STK32B: variants seen among roughly 807,000 people sequenced by gnomAD.
STK32B encodes the protein serine/threonine-protein kinase 32B.
A neutral mutation model predicts 52.6 loss-of-function variants in STK32B; 43 were observed. The ratio of observed to expected loss-of-function variants is 0.82; its 90% CI spans 0.64 to 1.05. The LOEUF (loss-of-function observed/expected upper bound fraction) is 1.05. Ranked by LOEUF, STK32B falls within the 50% of genes least tolerant of loss-of-function variation. STK32B has a pLI of 0.00. For missense variants in STK32B, 621 were observed against 534.6 expected (o/e 1.16, Z -1.59); for synonymous variants, 238 against 204.3 (o/e 1.17, Z -1.41).
Position 5,395,518 on chromosome 4 carries a change from G to C in STK32B, c.435-2689G>C, listed in dbSNP as rs1390088488. On this transcript the variant is annotated intron_variant, in intron 4 of 11. Transcript: ENST00000282908. The surrounding 1 kb of genome is among the most constrained non-coding windows in gnomAD (Gnocchi z 4.4). ...CTATTAGTCTTTTTTCTAGACTCTG[G>C]TTTGCCTTCTTCACCTGCCACAACT... is the stretch of plus-strand genomic sequence containing the variant. Among the ~76,000 whole-genome samples, 1 of 152,042 alleles carries C rather than the reference G, an allele frequency of 6.6e-6. No homozygotes were observed. Among genetic ancestry groups the C allele is most frequent in the Non-Finnish European group, 1.5e-5 (1 of 68,008 alleles).
In STK32B at chr4:5,126,989, C is replaced by G. The variant is rs368454946; in HGVS notation, c.53-12916C>G. ...AGTTGGGATACTGTCTATTCCCTCT[C>G]CTTTTGCACAGATGACAGCATTACT... On this transcript the variant is annotated intron_variant, in intron 1 of 11. Coordinates refer to ENST00000282908, the MANE Select transcript of STK32B (RefSeq NM_018401.3). 3.3e-3 allele frequency: 1,456 copies of G among 437,180 alleles called. 29 individuals carry two copies. Among genetic ancestry groups the G allele is most frequent in the South Asian group, 0.023 (1,412 of 60,828 alleles). 27.1% of individuals were successfully genotyped at this position (437,180 alleles called of 1,614,324 possible).
chr4:5,162,121 A>G (rs1560188358), intron 2 of STK32B, among the ~76,000 whole-genome samples: 2 of 152,160 alleles, frequency 1.3e-5, no homozygotes, highest in Admixed American at 6.5e-5. Flanking sequence ...TTTGCACCCC[A>G]TAGTCCTGAG....
chr4:5,172,030 T>C (rs1321252454), intron 3 of STK32B, among the ~76,000 whole-genome samples: 2 of 152,068 alleles, frequency 1.3e-5, no homozygotes, highest in African/African-American at 4.8e-5. Context: ...TCACATCCCT[T>C]GTAAGCTGGA....
chr4:5,167,202 A>C (rs1251299061), intron 2 of STK32B, among the ~76,000 whole-genome samples: 1 of 151,904 alleles, frequency 6.6e-6, no homozygotes, highest in African/African-American at 2.4e-5. Context: ...CTTGCCCCCA[A>C]CTGCCCCCAG....
chr4:5,371,072 T>G (rs1460211811), intron 4 of STK32B, among the ~76,000 whole-genome samples: 4 of 151,228 alleles, frequency 2.6e-5, no homozygotes, highest in Admixed American at 2.6e-4. Context: ...ATTCTAACAC[T>G]TGTTAAAATG....
rs536442137 is a variant in STK32B, at chr4:5,120,451, A to G, written c.53-19454A>G. Among the ~76,000 whole-genome samples, 15 of 152,326 alleles carry G rather than the reference A, an allele frequency of 9.8e-5. No individual in the cohort carries two copies. In the South Asian group the frequency reaches 2.7e-3, roughly 27 times the overall value. Reference sequence around the variant, plus strand: ...AACGTTTATTACTGTATACTGTTATAATTTTTCCATATTTAGTTATTGTTA... The same window carrying G: ...AACGTTTATTACTGTATACTGTTATGATTTTTCCATATTTAGTTATTGTTA... On this transcript the variant is annotated intron_variant, in intron 1 of 11. Coordinates refer to ENST00000282908, the MANE Select transcript of STK32B (RefSeq NM_018401.3).
intron 3 of STK32B, among the ~76,000 whole-genome samples, chr4:5,250,147 C>T (rs1725811992): frequency 6.6e-6 from 1 of 152,048 alleles, no homozygotes; most frequent in African/African-American, 2.4e-5. Context: ...TTTCTTTATC[C>T]AGTCTGCTAT....
chr4:5,079,748 G>A (rs961306515), intron 1 of STK32B, among the ~76,000 whole-genome samples: 7 of 150,690 alleles, frequency 4.6e-5, no homozygotes, highest in African/African-American at 1.7e-4. Context: ...GTTCCCAGCT[G>A]GGCCAGGCCA....
chr4:5,114,152 T>A (rs1217680311), intron 1 of STK32B, among the ~76,000 whole-genome samples: 4 of 151,838 alleles, frequency 2.6e-5, no homozygotes, highest in Non-Finnish European at 4.4e-5. Flanking sequence ...CCCCATTCTC[T>A]CCAGGCCAGT....
At chr4:5,113,868 T>C (rs557245396) in intron 1 of STK32B, among the ~76,000 whole-genome samples, 24 of 152,194 alleles carry the variant, frequency 1.6e-4, no homozygotes, top group East Asian at 9.7e-4. Flanking sequence ...GAGGACCGAA[T>C]CACATCTTAC....
At chr4:5,288,228 G>A (rs1462075003) in intron 3 of STK32B, among the ~76,000 whole-genome samples, 2 of 152,134 alleles carry the variant, frequency 1.3e-5, no homozygotes, top group Non-Finnish European at 2.9e-5. Context: ...GTGTGGGCAT[G>A]TTTTTCACTT....
Position 5,256,886 on chromosome 4 carries a change from T to G in STK32B, c.261-74334T>G, listed in dbSNP as rs534019885. On this transcript the variant is annotated intron_variant, in intron 3 of 11. Coordinates refer to ENST00000282908, the MANE Select transcript of STK32B (RefSeq NM_018401.3). ...GAGCTGTGAGGATGGATATTGGGGC[T>G]GCCTTGACTCCACTAGCTCCTTGAC... Among the ~76,000 whole-genome samples, 4 of 152,336 alleles carry G rather than the reference T, an allele frequency of 2.6e-5. No individual in the cohort carries two copies. The South Asian group carries it at 8.3e-4, about 32-fold the overall frequency.
intron 1 of STK32B, among the ~76,000 whole-genome samples, chr4:5,105,961 T>G (rs1283441975): frequency 1.3e-5 from 2 of 152,146 alleles, no homozygotes; most frequent in Non-Finnish European, 2.9e-5. Flanking sequence ...AACAGAAGTA[T>G]AGCCCTTTTG....
At position 5,394,811 on chromosome 4, in the gene STK32B, A is replaced by G; in HGVS notation, c.435-3396A>G. ...AAACAAGGCTGAGAGTAAGTGGCCC[A>G]AGATCATATAGCTAGAGAATTAGTT... On this transcript the variant is annotated intron_variant, in intron 4 of 11. Coordinates refer to ENST00000282908, the MANE Select transcript of STK32B (RefSeq NM_018401.3). The surrounding 1 kb of genome is among the most constrained non-coding windows in gnomAD (Gnocchi z 4.2). Among the ~76,000 whole-genome samples, 1 of 152,258 alleles carries G rather than the reference A, an allele frequency of 6.6e-6. No homozygotes were observed. The highest frequency in any genetic ancestry group is 1.5e-5 in the Non-Finnish European group (1 of 68,046).
chr4:5,173,053 G>A (rs888732739), intron 3 of STK32B, among the ~76,000 whole-genome samples: 10 of 152,108 alleles, frequency 6.6e-5, no homozygotes, highest in Non-Finnish European at 1.3e-4. Flanking sequence ...TGTATGTGTC[G>A]AGGAATTTAT....
chr4:5,468,115 T>A, intron 11 of STK32B, 45 bp downstream of exon 11: 7 of 1,598,886 alleles, frequency 4.4e-6, no homozygotes, highest in Non-Finnish European at 6.0e-6. Flanking sequence ...CTGTCCTAAG[T>A]GACCCAAGGT....
rs182493940 is a variant in STK32B at position 5,289,837 on chromosome 4, C to T, written c.261-41383C>T. ...GGATTACAAGCGTGATGAGCCACCA[C>T]GCCCGGCCTATTTTATTCTCTTTTT... On this transcript the variant is annotated intron_variant, in intron 3 of 11. Coordinates refer to ENST00000282908, the MANE Select transcript of STK32B (RefSeq NM_018401.3). 3.4e-3 allele frequency among the ~76,000 whole-genome samples: 510 copies of T among 151,788 alleles called. 4 individuals carry two copies. The highest frequency in any genetic ancestry group is 0.012 in the African/African-American group (480 of 41,406).
intron 6 of STK32B, among the ~76,000 whole-genome samples, chr4:5,443,577 A>G (rs1715009862): frequency 6.6e-6 from 1 of 152,004 alleles, no homozygotes; most frequent in Non-Finnish European, 1.5e-5. Context: ...GAGTAATTTG[A>G]TCGTCTGAAG....
chr4:5,482,670 T>A (rs1288130760), intron 11 of STK32B, among the ~76,000 whole-genome samples: 1 of 152,238 alleles, frequency 6.6e-6, no homozygotes, highest in Non-Finnish European at 1.5e-5. Context: ...TTGCCAGTTT[T>A]CAAAGGGAAT....
Sources: gnomAD v4.1 joint callset for allele counts (sites outside exome capture counted in the v4.1 genomes callset) on GRCh38, gnomAD v4.1.1 for gene constraint, Gnocchi (gnomAD v3.1) non-coding constraint, MANE v1.5 for transcripts, NCBI Gene and HGNC (gene_info 2026-07-23, HGNC 2026-07-21) for gene names.